Variants in ZRANB3 observed in about 807,000 individuals in gnomAD.
ZRANB3 encodes the protein zinc finger RANBP2-type containing 3.
ZRANB3 carries 125 observed loss-of-function variants against 133.8 expected under a neutral mutation model. That is an observed-to-expected ratio of 0.93 (90% confidence interval 0.81 to 1.08). The LOEUF is 1.08. Ranked by LOEUF, ZRANB3 falls within the 50% of genes least tolerant of loss-of-function variation. ZRANB3 has a pLI of 0.00. For missense variants in ZRANB3, 1,229 were observed against 1,275.5 expected (o/e 0.96, Z 0.56); for synonymous variants, 387 against 432.7 (o/e 0.89, Z 1.31).
rs115149224 is a variant in ZRANB3 at position 135,218,027 on chromosome 2, C to G, written c.2353-420G>C. On this transcript the variant is annotated intron_variant, in intron 16 of 20. Coordinates refer to ENST00000264159, the MANE Select transcript of ZRANB3 (RefSeq NM_032143.4). Reference sequence around the variant, plus strand: ...AGGGTCTCACTATGTTGCCCAGGCTCGTCTTAAACTCCTGGGCCAAAGTGA... The same window carrying G: ...AGGGTCTCACTATGTTGCCCAGGCTGGTCTTAAACTCCTGGGCCAAAGTGA... Among the ~76,000 whole-genome samples the G allele has an allele frequency of 3.0e-3, 450 of 152,086 alleles. 3 individuals are homozygous for G. Among genetic ancestry groups the G allele is most frequent in the African/African-American group, 0.01 (419 of 41,500 alleles).
chr2:135,421,013 T>G (rs1374139558), intron 2 of ZRANB3, among the ~76,000 whole-genome samples: 2 of 152,152 alleles, frequency 1.3e-5, no homozygotes, highest in African/African-American at 4.8e-5. Context: ...AAGATATGGC[T>G]GCTGGAAACA....
chr2:135,386,226 A>C lies in ZRANB3; in HGVS notation c.180+4576T>G, dbSNP rs971793213. ...CAAAAGAAGACATTTATGCAGCCAAAAGACACATGAAAAAATGCTCATCAT... is the reference window on the plus strand; with the variant it reads ...CAAAAGAAGACATTTATGCAGCCAACAGACACATGAAAAAATGCTCATCAT... On this transcript the variant is annotated intron_variant, in intron 3 of 20. Coordinates refer to ENST00000264159, the MANE Select transcript of ZRANB3 (RefSeq NM_032143.4). 3.9e-5 allele frequency among the ~76,000 whole-genome samples: 6 copies of C among 152,318 alleles called. No homozygotes were observed. The South Asian group carries it at 1.2e-3, about 32-fold the overall frequency.
chr2:135,250,429 G>A (rs565709666), intron 12 of ZRANB3, among the ~76,000 whole-genome samples: 1 of 152,332 alleles, frequency 6.6e-6, no homozygotes, highest in African/African-American at 2.4e-5. Context: ...AAGTAGCAAG[G>A]AGCCTAATGT....
At chr2:135,388,023 C>A (rs574273352) in intron 3 of ZRANB3, among the ~76,000 whole-genome samples, 3 of 152,092 alleles carry the variant, frequency 2.0e-5, no homozygotes, top group African/African-American at 4.8e-5. Flanking sequence ...AAGACATACC[C>A]GAGTCTGGGT....
At chr2:135,320,635 A>T (rs1683480899) in intron 6 of ZRANB3, among the ~76,000 whole-genome samples, 1 of 152,220 alleles carries the variant, frequency 6.6e-6, no homozygotes, top group Non-Finnish European at 1.5e-5. Flanking sequence ...GTAGCATTTA[A>T]CATTAGCTTA....
intron 2 of ZRANB3, 33 bp downstream of exon 2, chr2:135,504,296 T>C (rs374498079): frequency 6.2e-7 from 1 of 1,611,216 alleles, no homozygotes; most frequent in Non-Finnish European, 8.5e-7. Flanking sequence ...TCCAGGAATT[T>C]AACATTTTTA....
At chr2:135,438,732 C>T (rs751325882) in intron 2 of ZRANB3, among the ~76,000 whole-genome samples, 1 of 152,054 alleles carries the variant, frequency 6.6e-6, no homozygotes, top group Non-Finnish European at 1.5e-5. Context: ...CTGTTGACTT[C>T]TGTGGAAAGA....
intron 1 of ZRANB3, among the ~76,000 whole-genome samples, chr2:135,524,588 T>G (rs1694076064): frequency 6.6e-6 from 1 of 152,072 alleles, no homozygotes; most frequent in Admixed American, 6.6e-5. Flanking sequence ...AAAATCTAAC[T>G]AATAAATTAC....
rs146476071 is a variant in ZRANB3, at chr2:135,412,463, C to T, written c.162-21643G>A. Among the ~76,000 whole-genome samples, 16 of 152,138 alleles carry T rather than the reference C, an allele frequency of 1.1e-4. No individual in the cohort carries two copies. In the East Asian group the frequency reaches 2.9e-3, roughly 28 times the overall value. ...TATAAACTAGATCAAGTAGACCTGGCTTACTTTTTGTTGCTTTTTTATATA... is the reference window on the plus strand; with the variant it reads ...TATAAACTAGATCAAGTAGACCTGGTTTACTTTTTGTTGCTTTTTTATATA... On this transcript the variant is annotated intron_variant, in intron 2 of 20. Transcript: ENST00000264159.
At chr2:135,283,453 C>T (rs1028146594) in intron 8 of ZRANB3, among the ~76,000 whole-genome samples, 4 of 151,496 alleles carry the variant, frequency 2.6e-5, no homozygotes, top group African/African-American at 9.7e-5. Context: ...TACTAAAATA[C>T]AAAAAAACTA....
In ZRANB3 at chr2:135,376,686, T is replaced by C. The variant is rs373690403; in HGVS notation, c.180+14116A>G. ...TCAGTGGTTACCAGGGGTTCAGCCC[T>C]GGGGGAAATTGAATAAATGAGGCAC... On this transcript the variant is annotated intron_variant, in intron 3 of 20. Coordinates refer to ENST00000264159, the MANE Select transcript of ZRANB3 (RefSeq NM_032143.4). Among the ~76,000 whole-genome samples, 12 of 152,290 alleles carry C rather than the reference T, an allele frequency of 7.9e-5. No homozygotes were observed. In the East Asian group the frequency reaches 1.9e-3, roughly 24 times the overall value.
chr2:135,339,414 C>A (rs1217539704), intron 6 of ZRANB3, among the ~76,000 whole-genome samples: 25 of 151,154 alleles, frequency 1.7e-4, no homozygotes, highest in Non-Finnish European at 2.2e-4. Flanking sequence ...AAAAAAAAAA[C>A]AACAAAAAAA....
At chr2:135,299,700 C>G (rs943324713) in intron 8 of ZRANB3, among the ~76,000 whole-genome samples, 3 of 152,178 alleles carry the variant, frequency 2.0e-5, no homozygotes, top group African/African-American at 4.8e-5. Flanking sequence ...AACAAACATA[C>G]TTAAAATATA....
intron 3 of ZRANB3, among the ~76,000 whole-genome samples, chr2:135,356,615 C>A (rs1322331920): frequency 1.3e-5 from 2 of 152,268 alleles, no homozygotes; most frequent in East Asian, 3.9e-4. Flanking sequence ...ATTAAATCTA[C>A]TAGAATTAAC....
At chr2:135,210,262 G>A (rs1366972349) in intron 17 of ZRANB3, among the ~76,000 whole-genome samples, 3 of 152,150 alleles carry the variant, frequency 2.0e-5, no homozygotes, top group African/African-American at 7.2e-5. Context: ...GAGAAATAGT[G>A]TATTTCCCTA....
intron 1 of ZRANB3, among the ~76,000 whole-genome samples, chr2:135,507,982 G>C (rs1307113992): frequency 6.7e-6 from 1 of 149,762 alleles, no homozygotes; most frequent in Non-Finnish European, 1.5e-5. Flanking sequence ...AGAAAAGAGA[G>C]AGAGAGAATA....
In ZRANB3 at chr2:135,219,142, C is replaced by A; in HGVS notation, c.2287G>T (p.Asp763Tyr). 1 of 1,537,654 alleles carries A rather than the reference C, an allele frequency of 6.5e-7. No individual in the cohort carries two copies. Among genetic ancestry groups the A allele is most frequent in the Non-Finnish European group, 8.7e-7 (1 of 1,147,296 alleles). ...TCTTCCCAAAGGTCTAATTTTATATCCAGAGGAATGAAATTACAGCTCATC... is the reference window on the plus strand; with the variant it reads ...TCTTCCCAAAGGTCTAATTTTATATACAGAGGAATGAAATTACAGCTCATC... ...KQMSCNFIPL[D>Y]IKLDLWEDLP... The change falls in exon 16 of 21, where the codon GAT becomes TAT. Residue 763 changes from aspartate to tyrosine, a missense_variant. By Grantham distance (160) the Asp-to-Tyr change is radical. Transcript: ENST00000264159.
intron 2 of ZRANB3, among the ~76,000 whole-genome samples, chr2:135,463,708 C>T (rs1346738731): frequency 6.6e-6 from 1 of 152,198 alleles, no homozygotes; most frequent in Admixed American, 6.5e-5. Context: ...TGAACCACCA[C>T]ACCCAGTCAC....
At chr2:135,478,276 G>A (rs1691589148) in intron 2 of ZRANB3, among the ~76,000 whole-genome samples, 1 of 151,962 alleles carries the variant, frequency 6.6e-6, no homozygotes. Context: ...TAAAAACACA[G>A]AAATTATGTA....
Sources: gnomAD v4.1 joint callset for allele counts (sites outside exome capture counted in the v4.1 genomes callset) on GRCh38, gnomAD v4.1.1 for gene constraint, MANE v1.5 for transcripts, NCBI Gene and HGNC (gene_info 2026-07-23, HGNC 2026-07-21) for gene names.